L2HGDH: variants seen among roughly 807,000 people sequenced by gnomAD.
The protein encoded by L2HGDH is L-2-hydroxyglutarate dehydrogenase, mitochondrial.
In L2HGDH, 34 loss-of-function variants were observed where a neutral mutation model predicts 51.5. That is an observed-to-expected ratio of 0.66 (90% CI 0.50 to 0.88). The LOEUF (loss-of-function observed/expected upper bound fraction) is 0.88, where lower values mean the gene tolerates loss of function less well. Among genes scored for constraint, L2HGDH ranks in the 40% least tolerant of loss-of-function variants. The pLI is 0.00. For synonymous variants in L2HGDH, 198 were observed against 197.9 expected (o/e 1.00, Z -0.01); for missense variants, 558 against 571.9 (o/e 0.98, Z 0.25).
chr14:50,309,013 C>T (rs2030893406), intron 1 of L2HGDH, among the ~76,000 whole-genome samples: 1 of 112,324 alleles, frequency 8.9e-6, no homozygotes, highest in Non-Finnish European at 2.1e-5. Flanking sequence ...AGCCAATCTC[C>T]AAAGGCTTGT....
At chr14:50,291,112 C>T (rs1276094400) in intron 4 of L2HGDH, among the ~76,000 whole-genome samples, 2 of 140,432 alleles carry the variant, frequency 1.4e-5, no homozygotes, top group Non-Finnish European at 3.0e-5. Flanking sequence ...GCAGGAGAAT[C>T]GCTGAACCCA....
intron 3 of L2HGDH, among the ~76,000 whole-genome samples, chr14:50,300,387 C>T (rs2043005064): frequency 6.6e-6 from 1 of 152,082 alleles, no homozygotes; most frequent in African/African-American, 2.4e-5. Flanking sequence ...CTCTGCCTCC[C>T]AGGGTCAGGC....
At position 50,267,738 on chromosome 14, in the gene L2HGDH, A is replaced by C. The variant is rs1889427429; in HGVS notation, c.1064+15T>G. On this transcript the variant is annotated intron_variant, in intron 8 of 9. Coordinates refer to ENST00000267436, the MANE Select transcript of L2HGDH (RefSeq NM_024884.3). ...ATAAGCACATAAAATCATTTTTAAA[A>C]ATAAATAATGTTACCTATTGATAAT... is the stretch of plus-strand genomic sequence containing the variant. The C allele has an allele frequency of 6.3e-7, 1 of 1,583,674 alleles. No homozygotes were observed. Among genetic ancestry groups the C allele is most frequent in the South Asian group, 1.1e-5 (1 of 89,754 alleles).
intron 1 of L2HGDH, among the ~76,000 whole-genome samples, chr14:50,306,653 A>G (rs1028454229): frequency 4.7e-5 from 7 of 150,136 alleles, no homozygotes; most frequent in African/African-American, 1.5e-4. Flanking sequence ...ATGTTCTAAA[A>G]GCTGACTCTG....
intron 9 of L2HGDH, among the ~76,000 whole-genome samples, chr14:50,251,135 G>A (rs1223481401): frequency 2.0e-5 from 3 of 152,088 alleles, no homozygotes; most frequent in African/African-American, 7.2e-5. Context: ...AACACAGAAA[G>A]AATTCACAAT....
At chr14:50,292,901 C>A (rs1890964454) in intron 4 of L2HGDH, among the ~76,000 whole-genome samples, 1 of 151,018 alleles carries the variant, frequency 6.6e-6, no homozygotes, top group East Asian at 1.9e-4. Context: ...AAAAACAAAA[C>A]TACTATAGTC....
At chr14:50,301,606 G>C (rs1287988764) in intron 3 of L2HGDH, among the ~76,000 whole-genome samples, 2 of 152,196 alleles carry the variant, frequency 1.3e-5, no homozygotes. Context: ...TATATGAAAA[G>C]TGCAGAACAG....
rs1595052841 is a variant in L2HGDH, at chr14:50,244,115, C to G, written c.*2943G>C. ...CATTTGGGTTGGTTCCAAGTCTTTACTATTGTGAATAGTGCCACAATAAAC... is the reference window on the plus strand; with the variant it reads ...CATTTGGGTTGGTTCCAAGTCTTTAGTATTGTGAATAGTGCCACAATAAAC... On this transcript the variant is annotated 3_prime_UTR_variant, in exon 10 of 10. Coordinates refer to ENST00000267436, the MANE Select transcript of L2HGDH (RefSeq NM_024884.3). 1.3e-5 allele frequency: 2 copies of G among 152,418 alleles called. No individual in the cohort carries two copies. Among genetic ancestry groups the G allele is most frequent in the African/African-American group, 4.8e-5 (2 of 41,512 alleles). 9.4% of individuals were successfully genotyped at this position (152,418 alleles called of 1,614,324 possible).
intron 8 of L2HGDH, among the ~76,000 whole-genome samples, chr14:50,266,774 G>T (rs1889359334): frequency 6.6e-6 from 1 of 152,114 alleles, no homozygotes; most frequent in South Asian, 2.1e-4. Context: ...CTCAAGTATA[G>T]CTTTAAATCT....
chr14:50,291,847 T>C (rs7158883), intron 4 of L2HGDH, among the ~76,000 whole-genome samples: 25,311 of 152,092 alleles, frequency 0.17, 2,625 homozygotes, highest in African/African-American at 0.3. Context: ...CAACCAAGTA[T>C]ATGAATTAGA....
At chr14:50,292,818 G>A (rs1362430288) in intron 4 of L2HGDH, among the ~76,000 whole-genome samples, 1 of 152,050 alleles carries the variant, frequency 6.6e-6, no homozygotes, top group East Asian at 1.9e-4. Context: ...CCAGGAGATG[G>A]AGGTTGCAGT....
At chr14:50,254,897 G>A (rs781378497) in intron 9 of L2HGDH, among the ~76,000 whole-genome samples, 1 of 151,626 alleles carries the variant, frequency 6.6e-6, no homozygotes, top group Non-Finnish European at 1.5e-5. Flanking sequence ...AATCAATCAG[G>A]CGTGGTGTTG....
chr14:50,307,340 A>G lies in L2HGDH; in HGVS notation c.141-4323T>C, dbSNP rs528945409. On this transcript the variant is annotated intron_variant, in intron 1 of 9. Coordinates refer to ENST00000267436, the MANE Select transcript of L2HGDH (RefSeq NM_024884.3). ...CACTCCCTCTTCTCAAATCTGAAGA[A>G]TCACTGTTTTATCCAGTGACACAAA... Among the ~76,000 whole-genome samples the G allele has an allele frequency of 3.8e-3, 575 of 152,366 alleles. 6 individuals carry two copies. Among genetic ancestry groups the G allele is most frequent in the Admixed American group, 7.8e-3 (120 of 15,304 alleles).
At chr14:50,276,468 C>CG (rs1167606277) in intron 6 of L2HGDH, among the ~76,000 whole-genome samples, 5 of 151,498 alleles carry the variant, frequency 3.3e-5, no homozygotes, top group African/African-American at 1.2e-4. Flanking sequence ...TTGTGCCCCC[C>CG]CCACCCCAAT....
intron 3 of L2HGDH, among the ~76,000 whole-genome samples, chr14:50,299,695 T>C (rs1445828385): frequency 6.6e-6 from 1 of 152,162 alleles, no homozygotes; most frequent in East Asian, 1.9e-4. Context: ...AGGTGACACA[T>C]CATATCAACA....
chr14:50,306,143 C>G (rs1297625256), intron 1 of L2HGDH, among the ~76,000 whole-genome samples: 1 of 151,756 alleles, frequency 6.6e-6, no homozygotes, highest in African/African-American at 2.4e-5. Context: ...CTCCAGCTCC[C>G]GGATTCAAGC....
chr14:50,261,349 A>G (rs1358006291), intron 9 of L2HGDH, among the ~76,000 whole-genome samples: 1 of 152,216 alleles, frequency 6.6e-6, no homozygotes, highest in Non-Finnish European at 1.5e-5. Context: ...CCCACAGAAG[A>G]CATTTTCCAA....
chr14:50,308,831 G>A (rs939840738), intron 1 of L2HGDH, among the ~76,000 whole-genome samples: 13 of 152,156 alleles, frequency 8.5e-5, no homozygotes, highest in Admixed American at 3.3e-4. Flanking sequence ...AGCTTTATTC[G>A]TAATAGCCAA....
intron 3 of L2HGDH, among the ~76,000 whole-genome samples, chr14:50,300,967 G>A (rs1049448534): frequency 1.3e-5 from 2 of 152,128 alleles, no homozygotes; most frequent in Admixed American, 1.3e-4. Flanking sequence ...TGGGACTATA[G>A]TTGTGCACCA....
Sources: allele counts gnomAD v4.1 joint callset (sites outside exome capture counted in the v4.1 genomes callset), GRCh38; gene constraint gnomAD v4.1.1; transcripts MANE v1.5; gene names NCBI Gene and HGNC (gene_info 2026-07-23, HGNC 2026-07-21).